The following ABCB5 variants were observed in gnomAD, a reference collection of about 807,000 sequenced individuals.
The protein encoded by ABCB5 is ATP binding cassette subfamily B member 5.
A neutral mutation model predicts 144.2 loss-of-function variants in ABCB5; 155 were observed. That is an observed-to-expected ratio of 1.08 (90% CI 0.94 to 1.23). The LOEUF (loss-of-function observed/expected upper bound fraction) is 1.23, where lower values mean the gene tolerates loss of function less well. Among genes scored for constraint, ABCB5 ranks in the 50% most tolerant of loss-of-function variants. ABCB5 has a pLI of 0.00. For missense variants in ABCB5, 1,830 were observed against 1,520.8 expected (o/e 1.20, Z -3.38); for synonymous variants, 610 against 528.6 (o/e 1.15, Z -2.11).
rs983299777 is a variant in ABCB5 at position 20,660,398 on chromosome 7, G to T, written c.1707+1722G>T. On this transcript the variant is annotated intron_variant, in intron 14 of 27. Transcript: ENST00000404938. ...AGATTAAATCAATGTAGAAATAGGT[G>T]TGAAACTGCTTTATGTATGGTTTGC... 7.1e-6 allele frequency: 7 copies of T among 985,432 alleles called. No individual in the cohort carries two copies. The African/African-American group carries it at 1.2e-4, about 17-fold the overall frequency. The allele number at this position is 985,432 out of a possible 1,614,324, so 61.0% of individuals were successfully genotyped here.
At chr7:20,663,511 TG>T (rs1191870132) in intron 14 of ABCB5, among the ~76,000 whole-genome samples, 4 of 152,150 alleles carry the variant, frequency 2.6e-5, no homozygotes, top group Non-Finnish European at 4.4e-5. Context: ...TGCTTAATTC[TG>T]CTCACATGAG....
At chr7:20,681,731 A>G in intron 15 of ABCB5, 65 bp downstream of exon 15, 2 of 1,527,742 alleles carry the variant, frequency 1.3e-6, no homozygotes, top group Non-Finnish European at 1.8e-6. Context: ...ATACCACACT[A>G]GAAAACAAAA....
In ABCB5 at chr7:20,681,090, T is replaced by C. The variant is rs372635545; in HGVS notation, c.1708-415T>C. Among the ~76,000 whole-genome samples, 128 of 15,156 alleles carry C rather than the reference T, an allele frequency of 8.4e-3. 8 individuals carry two copies. Among genetic ancestry groups the C allele is most frequent in the African/African-American group, 0.029 (119 of 4,080 alleles). 9.9% of individuals were successfully genotyped at this position (15,156 alleles called of 152,430 possible). On this transcript the variant is annotated intron_variant, in intron 14 of 27. Coordinates refer to ENST00000404938, the MANE Select transcript of ABCB5 (RefSeq NM_001163941.2). ...TTTCTTTCTTTCTTTCTTTCTTTCTTTCTTTCTTTCTTTCTTTCTTTCTTT... is the reference window on the plus strand; with the variant it reads ...TTTCTTTCTTTCTTTCTTTCTTTCTCTCTTTCTTTCTTTCTTTCTTTCTTT...
intron 20 of ABCB5, among the ~76,000 whole-genome samples, chr7:20,712,381 A>G (rs73684817): frequency 0.023 from 3,485 of 148,718 alleles, 318 homozygotes; most frequent in African/African-American, 0.078. Flanking sequence ...CTTGAAGTTC[A>G]CTGAAATTCT....
intron 14 of ABCB5, chr7:20,667,670 TGCCCCTGCCCCTGCCCCTGCCC>T (rs2128033690): frequency 2.1e-3 from 2 of 972 alleles, no homozygotes; most frequent in Non-Finnish European, 3.5e-3. Flanking sequence ...CATTCGCCTC[TGCCCCTGCCCCTGCCCCTGCCC>T]CTGCCCCTGC....
At chr7:20,694,358 T>G (rs145188511) in intron 16 of ABCB5, among the ~76,000 whole-genome samples, 176 of 152,008 alleles carry the variant, frequency 1.2e-3, no homozygotes, top group African/African-American at 3.9e-3. Flanking sequence ...TTAAAAAAAT[T>G]AAAAAGAAAA....
At chr7:20,741,372 G>A (rs908023950) in intron 24 of ABCB5, among the ~76,000 whole-genome samples, 1 of 151,892 alleles carries the variant, frequency 6.6e-6, no homozygotes, top group Non-Finnish European at 1.5e-5. Context: ...TGTTTCTGCG[G>A]TATTCTGTTT....
rs757454697 is a variant in ABCB5 at position 20,643,245 on chromosome 7, T to C, written c.376T>C (p.Ser126Pro). ...CTTGATTTTTGGTTACATACAGATT[T>C]CCTTGTGGATTATAACTGCAGCACG... is the stretch of plus-strand genomic sequence containing the variant. ...AALIFGYIQI[S>P]LWIITAARQT... The change falls in exon 6 of 28, where the codon TCC (serine) becomes CCC (proline). Residue 126 changes from serine (S) to proline (P), a missense_variant. Physicochemically the swap from Ser to Pro is moderately conservative, Grantham distance 74. Transcript: ENST00000404938. 14 of 1,613,624 alleles carry C rather than the reference T, an allele frequency of 8.7e-6. No individual in the cohort carries two copies. The highest frequency in any genetic ancestry group is 1.6e-4 in the Middle Eastern group (1 of 6,084).
At chr7:20,748,342 C>T (rs1445361911) in intron 26 of ABCB5, among the ~76,000 whole-genome samples, 1 of 145,544 alleles carries the variant, frequency 6.9e-6, no homozygotes, top group East Asian at 1.9e-4. Context: ...ATTTGTTGTA[C>T]TTCCTTCAGA....
chr7:20,694,034 A>G (rs955567783), intron 16 of ABCB5, among the ~76,000 whole-genome samples: 2 of 151,222 alleles, frequency 1.3e-5, no homozygotes, highest in Non-Finnish European at 3.0e-5. Context: ...AAAAAAAAAA[A>G]CAAAAAAACA....
Position 20,659,077 on chromosome 7 carries a change from G to A in ABCB5, c.1707+401G>A, listed in dbSNP as rs752572804. On this transcript the variant is annotated intron_variant, in intron 14 of 27. Transcript: ENST00000404938. ...CTTTTCTTCTTTAGGATACCCCCAGGTATTCATTTTGACCTAATTTCACCT... is the reference window on the plus strand; with the variant it reads ...CTTTTCTTCTTTAGGATACCCCCAGATATTCATTTTGACCTAATTTCACCT... The A allele has an allele frequency of 2.0e-5, 32 of 1,613,840 alleles. 1 individual carries two copies. In the East Asian group the frequency reaches 6.7e-4, roughly 34 times the overall value.
Position 20,756,117 on chromosome 7 carries a change from T to C in ABCB5, c.*493T>C, listed in dbSNP as rs1783079654. On this transcript the variant is annotated 3_prime_UTR_variant, in exon 28 of 28. Coordinates refer to ENST00000404938, the MANE Select transcript of ABCB5 (RefSeq NM_001163941.2). Reference sequence around the variant, plus strand: ...CTTTTCTCCAGACCGTAGGGATTTCTCTCAATAAGTATTCACTATTTCTCT... The same window carrying C: ...CTTTTCTCCAGACCGTAGGGATTTCCCTCAATAAGTATTCACTATTTCTCT... 1 of 154,200 alleles carries C rather than the reference T, an allele frequency of 6.5e-6. No homozygotes were observed. Among genetic ancestry groups the C allele is most frequent in the East Asian group, 1.9e-4 (1 of 5,362 alleles). 9.6% of individuals were successfully genotyped at this position (154,200 alleles called of 1,614,324 possible). A position where few individuals can be genotyped will look rare whatever the true frequency, so the allele number is the denominator to read the frequency against.
At chr7:20,718,090 T>TA (rs1156272120) in intron 20 of ABCB5, among the ~76,000 whole-genome samples, 64 of 150,706 alleles carry the variant, frequency 4.2e-4, no homozygotes, top group African/African-American at 1.6e-3. Flanking sequence ...TTTTTTTTTT[T>TA]AGTAGAGACG....
chr7:20,642,299 C>A (rs1047903921), intron 5 of ABCB5, among the ~76,000 whole-genome samples: 4 of 152,184 alleles, frequency 2.6e-5, no homozygotes, highest in African/African-American at 9.7e-5. Context: ...CAACTTTTTT[C>A]TGACTCAGTC....
At chr7:20,618,508 G>T (rs150620790) in intron 1 of ABCB5, among the ~76,000 whole-genome samples, 2 of 151,876 alleles carry the variant, frequency 1.3e-5, no homozygotes, top group African/African-American at 4.8e-5. Context: ...TAATCCCTTC[G>T]CCCAGGTAGT....
intron 13 of ABCB5, 43 bp downstream of exon 13, chr7:20,651,666 G>A (rs370856603): frequency 1.3e-6 from 2 of 1,582,164 alleles, no homozygotes; most frequent in African/African-American, 2.7e-5. Context: ...TATGGTGGCA[G>A]CGCTGCGACA....
intron 14 of ABCB5, chr7:20,666,851 C>A: frequency 1.4e-6 from 2 of 1,453,080 alleles, no homozygotes; most frequent in Non-Finnish European, 1.8e-6. Context: ...CACTATCTCC[C>A]TAATCTTTAC....
chr7:20,735,161 T>C (rs1782344724), intron 23 of ABCB5, among the ~76,000 whole-genome samples: 1 of 152,092 alleles, frequency 6.6e-6, no homozygotes, highest in African/African-American at 2.4e-5. Context: ...CAGCCCTCAA[T>C]ACAGTAATAA....
At chr7:20,647,380 C>T in intron 9 of ABCB5, 155 bp from the exon 10 acceptor site, 19 of 1,372,708 alleles carry the variant, frequency 1.4e-5, no homozygotes, top group Non-Finnish European at 1.7e-5. Context: ...CAAGTGTAAT[C>T]TGTGTTCTTT....
Sources: gnomAD v4.1 joint callset for allele counts (sites outside exome capture counted in the v4.1 genomes callset) on GRCh38, gnomAD v4.1.1 for gene constraint, MANE v1.5 for transcripts, NCBI Gene and HGNC (gene_info 2026-07-23, HGNC 2026-07-21) for gene names.